Variants in SMIM10L3 observed in about 807,000 individuals in gnomAD.
SMIM10L3 encodes the protein small integral membrane protein 10 like 3.
At chr7:6,332,043 T>C in the SMIM10L3 span, among the ~76,000 whole-genome samples, 2 of 142,258 alleles carry the variant, frequency 1.4e-5, no homozygotes, top group Non-Finnish European at 3.0e-5. Flanking sequence ...ACCCAGGAGG[T>C]GGAAGTAGCT....
the SMIM10L3 span, among the ~76,000 whole-genome samples, chr7:6,333,153 C>T: frequency 1.4e-5 from 2 of 141,180 alleles, no homozygotes; most frequent in Non-Finnish European, 3.0e-5. Context: ...AAGACTCCAT[C>T]CCAAATAAAA....
the SMIM10L3 span, chr7:6,348,569 C>G: frequency 4.6e-6 from 2 of 432,954 alleles, no homozygotes; most frequent in Non-Finnish European, 8.3e-6. Flanking sequence ...CACGGCTCAC[C>G]CACCTGCAGG....
the SMIM10L3 span, among the ~76,000 whole-genome samples, chr7:6,333,505 G>A: frequency 6.6e-6 from 1 of 152,114 alleles, no homozygotes; most frequent in Non-Finnish European, 1.5e-5. Context: ...TATTGTTGTT[G>A]TTGCTGTTTT....
the SMIM10L3 span, chr7:6,331,005 AGGCTTAT>A: frequency 6.2e-7 from 1 of 1,614,184 alleles, no homozygotes; most frequent in Non-Finnish European, 8.5e-7. Flanking sequence ...CATCAACCAC[AGGCTTAT>A]TCATCCAGGA....
At chr7:6,330,820 T>C in the SMIM10L3 span, 2 of 1,613,936 alleles carry the variant, frequency 1.2e-6, no homozygotes, top group Non-Finnish European at 1.7e-6. Flanking sequence ...AGCAAAACAC[T>C]CTGTTGGAGC....
the SMIM10L3 span, among the ~76,000 whole-genome samples, chr7:6,341,213 G>A: frequency 6.6e-6 from 1 of 150,854 alleles, no homozygotes; most frequent in Non-Finnish European, 1.5e-5. Context: ...GGGAGGCCAA[G>A]GAGGGTAGAT....
the SMIM10L3 span, among the ~76,000 whole-genome samples, chr7:6,335,732 C>G: frequency 6.6e-6 from 1 of 152,054 alleles, no homozygotes; most frequent in Non-Finnish European, 1.5e-5. Context: ...CTATATAATT[C>G]ACTAAAATAT....
At chr7:6,340,671 G>A in the SMIM10L3 span, among the ~76,000 whole-genome samples, 6 of 151,914 alleles carry the variant, frequency 3.9e-5, no homozygotes, top group African/African-American at 7.3e-5. Context: ...AGGCCGAGGC[G>A]GGCGGATCAC....
chr7:6,330,284 G>A, the SMIM10L3 span: 65 of 1,251,438 alleles, frequency 5.2e-5, 1 homozygote, highest in Middle Eastern at 2.3e-4. Flanking sequence ...GGAACCTAAG[G>A]GCTGCACAGT....
the SMIM10L3 span, among the ~76,000 whole-genome samples, chr7:6,343,397 CATATATATATATATATATATATATAT>C: frequency 1.4e-3 from 126 of 86,990 alleles, 1 homozygote; most frequent in Middle Eastern, 7.6e-3. Context: ...ATAATAATTT[CATATATATATATATATATATATATAT>C]ATATATATAT....
At chr7:6,331,919 T>C in the SMIM10L3 span, among the ~76,000 whole-genome samples, 1 of 151,898 alleles carries the variant, frequency 6.6e-6, no homozygotes, top group Non-Finnish European at 1.5e-5. Flanking sequence ...TCATTTTTTG[T>C]ATTTTTAGTA....
At chr7:6,346,750 G>C in the SMIM10L3 span, among the ~76,000 whole-genome samples, 2 of 152,110 alleles carry the variant, frequency 1.3e-5, no homozygotes, top group African/African-American at 2.4e-5. Context: ...ACCTGTGTCA[G>C]GCACCAGCCA....
the SMIM10L3 span, among the ~76,000 whole-genome samples, chr7:6,332,134 C>T: frequency 4.0e-5 from 6 of 149,850 alleles, no homozygotes; most frequent in South Asian, 6.3e-4. Context: ...AAAAAAATTG[C>T]GAAAAGGCTT....
the SMIM10L3 span, among the ~76,000 whole-genome samples, chr7:6,341,398 C>T: frequency 8.8e-5 from 13 of 148,038 alleles, no homozygotes; most frequent in African/African-American, 2.5e-4. Flanking sequence ...GCGGAGATCG[C>T]GCCACTGTAC....
chr7:6,343,046 A>C, the SMIM10L3 span, among the ~76,000 whole-genome samples: 38,773 of 146,222 alleles, frequency 0.27, 5,056 homozygotes, highest in East Asian at 0.31. Flanking sequence ...CAAAAAAAAA[A>C]AAGAAAAAAG....
chr7:6,348,854 G>C, the SMIM10L3 span: 2 of 391,474 alleles, frequency 5.1e-6, no homozygotes, highest in Non-Finnish European at 9.0e-6. Flanking sequence ...GGGAGCGAAG[G>C]AGGCGGCGGC....
chr7:6,336,136 G>A, the SMIM10L3 span, among the ~76,000 whole-genome samples: 6 of 147,892 alleles, frequency 4.1e-5, 1 homozygote, highest in Admixed American at 4.1e-4. Flanking sequence ...TAGCACCACT[G>A]CACTCCAGCC....
At chr7:6,348,948 C>G in the SMIM10L3 span, 315 of 379,876 alleles carry the variant, frequency 8.3e-4, 2 homozygotes, top group African/African-American at 5.7e-3. Context: ...GCCGCCTGTA[C>G]CAGCCTGGCC....
chr7:6,339,770 C>G, the SMIM10L3 span, among the ~76,000 whole-genome samples: 1 of 151,938 alleles, frequency 6.6e-6, no homozygotes, highest in Non-Finnish European at 1.5e-5. Context: ...TGTGCCCAGC[C>G]GTACCCCTCT....
Sources: allele counts gnomAD v4.1 joint callset (sites outside exome capture counted in the v4.1 genomes callset), GRCh38; gene constraint gnomAD v4.1.1; transcripts MANE v1.5; gene names NCBI Gene and HGNC (gene_info 2026-07-23, HGNC 2026-07-21).